DAAM1: variants seen among roughly 807,000 people sequenced by gnomAD.
The protein encoded by DAAM1 is disheveled-associated activator of morphogenesis 1.
In DAAM1, 52 loss-of-function variants were observed where a neutral mutation model predicts 130.0. The observed-to-expected ratio is 0.40, with a 90% CI of 0.32 to 0.50. DAAM1 has a LOEUF of 0.50. Among genes scored for constraint, DAAM1 ranks in the 20% least tolerant of loss-of-function variants. DAAM1 has a pLI of 0.61. For synonymous variants in DAAM1, 452 were observed against 444.5 expected, an observed-to-expected ratio of 1.02 and a Z score of -0.21; for missense variants, 1,134 against 1,303.8, an observed-to-expected ratio of 0.87 and a Z score of 2.01.
intron 2 of DAAM1, among the ~76,000 whole-genome samples, chr14:59,289,210 C>T (rs1183050014): frequency 2.6e-5 from 4 of 152,110 alleles, no homozygotes; most frequent in Admixed American, 6.6e-5. Context: ...CCACCACACC[C>T]GGCCCAACCA....
At chr14:59,300,597 TAATA>T (rs1330567898) in intron 3 of DAAM1, among the ~76,000 whole-genome samples, 2 of 152,154 alleles carry the variant, frequency 1.3e-5, no homozygotes, top group African/African-American at 4.8e-5. Flanking sequence ...GTACAGAATA[TAATA>T]AATACCCATA....
At chr14:59,235,880 G>T (rs763638112) in intron 1 of DAAM1, among the ~76,000 whole-genome samples, 4 of 152,160 alleles carry the variant, frequency 2.6e-5, no homozygotes, top group Admixed American at 1.3e-4. Flanking sequence ...CTTTGAAAGA[G>T]TTATGGTGGA....
chr14:59,215,819 G>A (rs757899518), intron 1 of DAAM1, among the ~76,000 whole-genome samples: 4 of 152,242 alleles, frequency 2.6e-5, no homozygotes, highest in Non-Finnish European at 4.4e-5. Flanking sequence ...GTGCCTTCTC[G>A]CTACAATTGA....
At chr14:59,196,662 G>T (rs113675539) in intron 1 of DAAM1, among the ~76,000 whole-genome samples, 19,398 of 151,940 alleles carry the variant, frequency 0.13, 1,400 homozygotes, top group Middle Eastern at 0.2. Context: ...AGAATGGCGT[G>T]AACCCGGGAG....
rs1884741288 is a variant in DAAM1 at position 59,315,224 on chromosome 14, C to G, written c.274-56C>G. ...GGTGCTCTGGAAGTCGGATGTGTTTCTAGGTGCTGTGTGTATATGTTGGGT... is the reference window on the plus strand; with the variant it reads ...GGTGCTCTGGAAGTCGGATGTGTTTGTAGGTGCTGTGTGTATATGTTGGGT... On this transcript the variant is annotated intron_variant, in intron 3 of 24. Coordinates refer to ENST00000360909, the MANE Select transcript of DAAM1 (RefSeq NM_001270520.2). The G allele has an allele frequency of 2.6e-6, 4 of 1,515,062 alleles. No homozygotes were observed. The East Asian group carries it at 9.0e-5, about 34-fold the overall frequency. The allele number at this position is 1,515,062 out of a possible 1,614,324, so 93.9% of individuals were successfully genotyped here.
At chr14:59,227,767 A>G (rs1051981079) in intron 1 of DAAM1, among the ~76,000 whole-genome samples, 1 of 152,198 alleles carries the variant, frequency 6.6e-6, no homozygotes, top group African/African-American at 2.4e-5. Context: ...TGTTTCCATC[A>G]GTGCTGGGCA....
At position 59,352,583 on chromosome 14, in the gene DAAM1, G is replaced by A. The variant is rs570446187; in HGVS notation, c.2218G>A (p.Glu740Lys). 3.7e-6 allele frequency: 6 copies of A among 1,613,528 alleles called. No individual in the cohort carries two copies. Among genetic ancestry groups the A allele is most frequent in the African/African-American group, 2.7e-5 (2 of 75,014 alleles). Residue 740 changes from glutamate (E) to lysine (K), a missense_variant, in exon 18 of 25, where the codon GAA (glutamate) becomes AAA (lysine). By Grantham distance (56) the Glu-to-Lys change is moderately conservative. Around this residue, in one of 3 missense-constraint regions of DAAM1, gnomAD observed 644 missense variants for 695.9 expected, o/e 0.93. Coordinates refer to ENST00000360909, the MANE Select transcript of DAAM1 (RefSeq NM_001270520.2). ...DIDLLEEHKH[E>K]LDRMAKADRF... is the part of the protein sequence containing the mutation. ...TGACCTATTGGAGGAACATAAACACGAACTGGATCGGATGGCCAAGGCTGA... is the reference window on the plus strand; with the variant it reads ...TGACCTATTGGAGGAACATAAACACAAACTGGATCGGATGGCCAAGGCTGA...
At chr14:59,349,641 T>G (rs1886212345) in intron 17 of DAAM1, among the ~76,000 whole-genome samples, 3 of 152,270 alleles carry the variant, frequency 2.0e-5, no homozygotes, top group Admixed American at 2.0e-4. Flanking sequence ...CCCTCCTCTC[T>G]TGCTGCTTGC....
intron 2 of DAAM1, among the ~76,000 whole-genome samples, chr14:59,285,880 C>CA (rs1191869361): frequency 6.6e-6 from 1 of 152,112 alleles, no homozygotes; most frequent in East Asian, 1.9e-4. Flanking sequence ...AGAAAACTAA[C>CA]AGAGATATTC....
chr14:59,323,583 T>G (rs1342592738), intron 6 of DAAM1, among the ~76,000 whole-genome samples: 1 of 152,172 alleles, frequency 6.6e-6, no homozygotes, highest in Non-Finnish European at 1.5e-5. Flanking sequence ...TTTCACTATA[T>G]TACTTGGATG....
chr14:59,259,971 G>A (rs1379124844), intron 1 of DAAM1, among the ~76,000 whole-genome samples: 1 of 152,160 alleles, frequency 6.6e-6, no homozygotes. Context: ...GTGAACCCGG[G>A]AGGCGGAGCT....
At chr14:59,272,532 G>A (rs1042677529) in intron 2 of DAAM1, among the ~76,000 whole-genome samples, 6 of 151,894 alleles carry the variant, frequency 4.0e-5, no homozygotes, top group East Asian at 3.9e-4. Flanking sequence ...AGCCGAGGTC[G>A]GGCCACTGCA....
intron 13 of DAAM1, 151 bp downstream of exon 13, chr14:59,330,839 C>T: frequency 1.2e-6 from 1 of 855,964 alleles, no homozygotes; most frequent in Non-Finnish European, 1.7e-6. Context: ...CCTCTGCTAT[C>T]ATGTAGGCAG....
At chr14:59,351,881 T>G (rs1012006014) in intron 17 of DAAM1, among the ~76,000 whole-genome samples, 2 of 152,210 alleles carry the variant, frequency 1.3e-5, no homozygotes, top group African/African-American at 4.8e-5. Context: ...GTTTCAGTTT[T>G]AAATATTTTA....
At chr14:59,318,334 T>C (rs1423279835) in intron 4 of DAAM1, among the ~76,000 whole-genome samples, 1 of 151,930 alleles carries the variant, frequency 6.6e-6, no homozygotes, top group Non-Finnish European at 1.5e-5. Flanking sequence ...TGTGCCTCTC[T>C]GTCAGACCCG....
Position 59,331,077 on chromosome 14 carries a change from C to T in DAAM1, c.1561-132C>T, listed in dbSNP as rs538999575. ...CCCAAAAGAGTCCATTCGACTTTAC[C>T]GATCCTTTAAACATTCTCAGAAGGG... is the stretch of plus-strand genomic sequence containing the variant. On this transcript the variant is annotated intron_variant, in intron 13 of 24. Transcript: ENST00000360909. The T allele has an allele frequency of 2.2e-4, 321 of 1,443,970 alleles. 1 individual carries two copies. The East Asian group carries it at 6.7e-3, about 30-fold the overall frequency. The allele number at this position is 1,443,970 out of a possible 1,614,324, so 89.4% of individuals were successfully genotyped here. A position where few individuals can be genotyped will look rare whatever the true frequency, so the allele number is the denominator to read the frequency against.
chr14:59,193,544 A>G (rs533207412), intron 1 of DAAM1, among the ~76,000 whole-genome samples: 1 of 152,194 alleles, frequency 6.6e-6, no homozygotes, highest in African/African-American at 2.4e-5. Context: ...TTCATAGTCC[A>G]CAAGTTTGCA....
intron 20 of DAAM1, chr14:59,359,190 G>A (rs1245984106): frequency 4.3e-6 from 2 of 464,492 alleles, no homozygotes; most frequent in Non-Finnish European, 3.9e-6. Flanking sequence ...CAATCCCCAT[G>A]GAGGCTCTCC....
intron 1 of DAAM1, among the ~76,000 whole-genome samples, chr14:59,224,577 T>C (rs567167247): frequency 1.3e-5 from 2 of 152,382 alleles, no homozygotes; most frequent in African/African-American, 4.8e-5. Context: ...GAGTCTTCCC[T>C]ATATCTGATT....
Sources: allele counts gnomAD v4.1 joint callset (sites outside exome capture counted in the v4.1 genomes callset), GRCh38; gene constraint gnomAD v4.1.1; regional missense constraint gnomAD v4.1.1; transcripts MANE v1.5; gene names NCBI Gene and HGNC (gene_info 2026-07-23, HGNC 2026-07-21).